Variants in SSUH2 observed in about 807,000 individuals in gnomAD.
The protein encoded by SSUH2 is ssu-2 homolog, also known as protein SSUH2 homolog.
In SSUH2, 47 loss-of-function variants were observed where a neutral mutation model predicts 55.3. That is an observed-to-expected ratio of 0.85 (90% CI 0.67 to 1.08). The LOEUF is 1.08. Ranked by LOEUF, SSUH2 falls within the 50% of genes least tolerant of loss-of-function variation. The pLI is 0.00. For synonymous variants in SSUH2, 212 were observed against 191.5 expected (o/e 1.11, Z -0.89); for missense variants, 535 against 490.7 (o/e 1.09, Z -0.85).
chr3:8,674,505 G>A (rs1246245014), intron 3 of SSUH2, among the ~76,000 whole-genome samples: 1 of 152,164 alleles, frequency 6.6e-6, no homozygotes, highest in Non-Finnish European at 1.5e-5. Context: ...CAGCGGTGCT[G>A]AACATTCGCT....
Position 8,619,851 on chromosome 3 carries a change from G to A in SSUH2, c.*17C>T. 3 of 1,611,208 alleles carry A rather than the reference G, an allele frequency of 1.9e-6. No homozygotes were observed. The highest frequency in any genetic ancestry group is 2.5e-6 in the Non-Finnish European group (3 of 1,178,748). On this transcript the variant is annotated 3_prime_UTR_variant, in exon 12 of 12. Transcript: ENST00000544814. ...TGGCAAACGTGAATGGCAGGCTCTGGGGACAGCCATGCTATGTCACACGAT... is the reference window on the plus strand; with the variant it reads ...TGGCAAACGTGAATGGCAGGCTCTGAGGACAGCCATGCTATGTCACACGAT...
chr3:8,646,368 A>C (rs1701680291), upstream of SSUH2, among the ~76,000 whole-genome samples: 1 of 152,224 alleles, frequency 6.6e-6, no homozygotes, highest in Non-Finnish European at 1.5e-5. Context: ...CCTCCTCAGC[A>C]TTTAAAAGGA....
intron 7 of SSUH2, 28 bp downstream of exon 7, chr3:8,629,636 A>ACTCACCAGTGGTTCACAGATGT: frequency 1.2e-6 from 2 of 1,612,920 alleles, no homozygotes; most frequent in Non-Finnish European, 1.7e-6. Context: ...ACCCTCACTG[A>ACTCACCAGTGGTTCACAGATGT]CTCACCAGTG....
At chr3:8,628,273 G>A (rs1331909066) in intron 7 of SSUH2, among the ~76,000 whole-genome samples, 1 of 152,202 alleles carries the variant, frequency 6.6e-6, no homozygotes, top group African/African-American at 2.4e-5. Flanking sequence ...GCAGGCGAGG[G>A]ATGAAAGGGC....
At chr3:8,680,078 G>A (rs11929093) in intron 1 of SSUH2, among the ~76,000 whole-genome samples, 36,756 of 152,054 alleles carry the variant, frequency 0.24, 5,099 homozygotes, top group East Asian at 0.4. Context: ...AGCCTTTTCC[G>A]TTGTATGCAT....
intron 7 of SSUH2, among the ~76,000 whole-genome samples, chr3:8,655,407 C>A: frequency 7.0e-6 from 1 of 142,796 alleles, no homozygotes; most frequent in East Asian, 2.1e-4. Context: ...GCCTCATCCC[C>A]CGGGTCTCAG....
chr3:8,679,321 C>T (rs1252532794), intron 2 of SSUH2, among the ~76,000 whole-genome samples: 1 of 41,078 alleles, frequency 2.4e-5, no homozygotes, highest in Admixed American at 4.0e-4. Context: ...GGACTAAGAG[C>T]CAGCCCCTCT....
Position 8,623,671 on chromosome 3 carries a change from GA to G in SSUH2, c.874-16del. On this transcript the variant is annotated splice_polypyrimidine_tract_variant and intron_variant, in intron 10 of 11. Transcript: ENST00000544814. ...ATGGGGTACACCTGGGGGAAAGAGA[GA>G]GAGACACAGACCACCTGGCTGCCGC... The G allele has an allele frequency of 7.2e-7, 1 of 1,394,884 alleles. No individual in the cohort carries two copies. Among genetic ancestry groups the G allele is most frequent in the African/African-American group, 1.4e-5 (1 of 69,904 alleles). The allele number at this position is 1,394,884 out of a possible 1,614,324, so 86.4% of individuals were successfully genotyped here. A position where few individuals can be genotyped will look rare whatever the true frequency, so the allele number is the denominator to read the frequency against.
chr3:8,658,492 C>A (rs376216791), intron 7 of SSUH2, among the ~76,000 whole-genome samples: 1 of 152,278 alleles, frequency 6.6e-6, no homozygotes, highest in South Asian at 2.1e-4. Context: ...TGGCTTGGGC[C>A]GCCAGGCTGG....
At chr3:8,629,591 C>G in intron 7 of SSUH2, 73 bp downstream of exon 7, 1 of 1,468,690 alleles carries the variant, frequency 6.8e-7, no homozygotes, top group South Asian at 1.1e-5. Context: ...GGCCACCAGC[C>G]CAGCCCGCTG....
rs1329687877 is a variant in SSUH2, at chr3:8,635,294, A to G, written c.209+6T>C. The G allele has an allele frequency of 6.5e-6, 10 of 1,534,256 alleles. No homozygotes were observed. Among genetic ancestry groups the G allele is most frequent in the Middle Eastern group, 1.7e-4 (1 of 6,000 alleles). On this transcript the variant is annotated splice_donor_region_variant and intron_variant, in intron 3 of 11. Transcript: ENST00000544814. ...ACACAGTCACAGAGTACAACCTGAAACTCACCTGTGTTCCAGGAACGAGGG... is the reference window on the plus strand; with the variant it reads ...ACACAGTCACAGAGTACAACCTGAAGCTCACCTGTGTTCCAGGAACGAGGG...
intron 7 of SSUH2, among the ~76,000 whole-genome samples, chr3:8,651,498 T>C (rs1368563822): frequency 6.6e-6 from 1 of 152,164 alleles, no homozygotes; most frequent in Non-Finnish European, 1.5e-5. Context: ...ACACTTTGAA[T>C]GTTGCCCTGA....
intron 6 of SSUH2, among the ~76,000 whole-genome samples, chr3:8,659,246 G>GT (rs1254217641): frequency 6.6e-6 from 1 of 152,090 alleles, no homozygotes; most frequent in African/African-American, 2.4e-5. Flanking sequence ...ATTTTCAGTG[G>GT]TTTTCTGGTG....
intron 1 of SSUH2, among the ~76,000 whole-genome samples, chr3:8,644,126 A>T (rs551189846): frequency 7.9e-5 from 12 of 152,148 alleles, no homozygotes; most frequent in Non-Finnish European, 1.8e-4. Flanking sequence ...CTGAGAATCC[A>T]TTGTATTTCT....
rs577775939 is a variant in SSUH2 at position 8,663,357 on chromosome 3, A to C, written c.-396+387T>G. 2.6e-5 allele frequency among the ~76,000 whole-genome samples: 4 copies of C among 152,388 alleles called. No individual in the cohort carries two copies. In the South Asian group the frequency reaches 8.3e-4, roughly 32 times the overall value. On this transcript the variant is annotated intron_variant, in intron 6 of 18. Transcript: ENST00000317371. ...ACCTACCCCCTCCTGTCTGACATAC[A>C]GAGAACAGCAATGCATGGGCTGAGC... is the stretch of plus-strand genomic sequence containing the variant.
At position 8,679,231 on chromosome 3, in the gene SSUH2, C is replaced by T. The variant is rs1234752240; in HGVS notation, c.-901+474G>A. On this transcript the variant is annotated intron_variant, in intron 2 of 18. Coordinates refer to the SSUH2 transcript ENST00000317371. ...CAGGGGGGATGGCACCCTCCGTGAG[C>T]GGGGACTGAGAGCCAGCCAATTTTC... Among the ~76,000 whole-genome samples the T allele has an allele frequency of 1.9e-4, 11 of 59,146 alleles. 3 individuals carry two copies. The East Asian group carries it at 2.1e-3, about 11-fold the overall frequency. The allele number at this position is 59,146 out of a possible 152,430, so 38.8% of individuals were successfully genotyped here.
rs141779771 is a variant in SSUH2 at position 8,666,743 on chromosome 3, T to A, written c.-454-2941A>T. On this transcript the variant is annotated intron_variant, in intron 5 of 18. Coordinates refer to the SSUH2 transcript ENST00000317371. Reference sequence around the variant, plus strand: ...CGGGCATAACGTCAGATCCCACAGGTTGAATACTCAGTCCCCAAGACCACA... The same window carrying A: ...CGGGCATAACGTCAGATCCCACAGGATGAATACTCAGTCCCCAAGACCACA... Among the ~76,000 whole-genome samples the A allele has an allele frequency of 6.3e-3, 955 of 152,286 alleles. 6 individuals carry two copies. The highest frequency in any genetic ancestry group is 0.034 in the Middle Eastern group (10 of 294).
chr3:8,629,776 C>T lies in SSUH2; in HGVS notation c.526-50G>A, dbSNP rs375663193. ...ATCTAGTTTCCCAAGGGCCACTTCT[C>T]CCACACCCATAACATCACCATCTAA... is the stretch of plus-strand genomic sequence containing the variant. On this transcript the variant is annotated intron_variant, in intron 6 of 11. Coordinates refer to ENST00000544814, the MANE Select transcript of SSUH2 (RefSeq NM_001256748.3). The T allele has an allele frequency of 2.3e-4, 353 of 1,567,090 alleles. 6 individuals are homozygous for T. The highest frequency in any genetic ancestry group is 1.9e-3 in the South Asian group (173 of 90,124).
intron 11 of SSUH2, 125 bp downstream of exon 11, chr3:8,623,424 A>C (rs1575038450): frequency 1.5e-6 from 1 of 674,044 alleles, no homozygotes; most frequent in African/African-American, 1.8e-5. Flanking sequence ...CCCTTCCCAC[A>C]CTCCTCCCCC....
Sources: allele counts gnomAD v4.1 joint callset (sites outside exome capture counted in the v4.1 genomes callset), GRCh38; gene constraint gnomAD v4.1.1; transcripts MANE v1.5; gene names NCBI Gene and HGNC (gene_info 2026-07-23, HGNC 2026-07-21).